BCL11A: variants seen among roughly 807,000 people sequenced by gnomAD.
BCL11A encodes the protein BCL11 transcription factor A.
Under a neutral mutation model 55.9 loss-of-function variants are expected in BCL11A, and 2 were observed. The ratio of observed to expected loss-of-function variants is 0.04; its 90% CI spans 0.01 to 0.11. BCL11A has a LOEUF of 0.11. BCL11A is among the 10% of genes least tolerant of loss of function. The pLI, the probability that BCL11A is intolerant of heterozygous loss-of-function variation, is 1.00. For synonymous variants in BCL11A, 465 were observed against 473.4 expected (o/e 0.98, Z 0.23); for missense variants, 817 against 1,137.1 (o/e 0.72, Z 4.05).
At chr2:60,479,133 C>T (rs1038264324) in intron 2 of BCL11A, among the ~76,000 whole-genome samples, 7 of 152,184 alleles carry the variant, frequency 4.6e-5, no homozygotes, top group Non-Finnish European at 7.4e-5. Context: ...GTGGCACTGC[C>T]GTCTGTTCTT....
At chr2:60,505,693 C>T (rs1220394621) in intron 2 of BCL11A, among the ~76,000 whole-genome samples, 1 of 152,234 alleles carries the variant, frequency 6.6e-6, no homozygotes, top group African/African-American at 2.4e-5. Flanking sequence ...CACATGCATT[C>T]CCACCTCCCG....
At chr2:60,536,593 C>T (rs930990485) in intron 2 of BCL11A, 1 of 152,090 alleles carries the variant, frequency 6.6e-6, no homozygotes, top group Non-Finnish European at 1.5e-5. Context: ...AGTTTAGAAA[C>T]CAATGCTACA....
chr2:60,452,531 T>C (rs1264593455), downstream of BCL11A: 1 of 1,467,262 alleles, frequency 6.8e-7, no homozygotes, highest in African/African-American at 1.4e-5. Context: ...TGACGTCGAC[T>C]GGGCGGCACG....
rs960633719 is a variant in BCL11A at position 60,460,892 on chromosome 2, G to C, written c.2020C>G (p.Leu674Val). 8 of 1,613,148 alleles carry C rather than the reference G, an allele frequency of 5.0e-6. No homozygotes were observed. The highest frequency in any genetic ancestry group is 6.8e-6 in the Non-Finnish European group (8 of 1,180,048). ...AASRQLKDPFLSFGDSRQSPF... is the reference protein window; with the variant it reads ...AASRQLKDPFVSFGDSRQSPF... Reference sequence around the variant, plus strand: ...GATTGTCTGGAGTCTCCGAAGCTAAGGAAGGGATCTTTGAGCTGCCTGGAG... The same window carrying C: ...GATTGTCTGGAGTCTCCGAAGCTAACGAAGGGATCTTTGAGCTGCCTGGAG... Residue 674 changes from leucine to valine, a missense_variant, in exon 4 of 4, where the codon CTT becomes GTT. This residue lies in a region of BCL11A where 379 missense variants were observed against 425.3 expected (regional missense o/e 0.89). Transcript: ENST00000642384.
At chr2:60,465,492 T>C (rs1221445449) in intron 3 of BCL11A, among the ~76,000 whole-genome samples, 1 of 152,218 alleles carries the variant, frequency 6.6e-6, no homozygotes, top group Non-Finnish European at 1.5e-5. Flanking sequence ...GCCCACCTAC[T>C]GGCTTTTATT....
Position 60,553,350 on chromosome 2 carries a change from G to A in BCL11A, c.-80C>T, listed in dbSNP as rs1269637278. The A allele has an allele frequency of 6.9e-7, 1 of 1,445,096 alleles. No individual in the cohort carries two copies. The highest frequency in any genetic ancestry group is 9.3e-7 in the Non-Finnish European group (1 of 1,071,516). 89.5% of individuals were successfully genotyped at this position (1,445,096 alleles called of 1,614,324 possible). A position where few individuals can be genotyped will look rare whatever the true frequency, so the allele number is the denominator to read the frequency against. ...GGCTCGGTTCACATCGGGAGAGCCG[G>A]GTTAGAAAGAAGGAGACTCCAGAGA... is the stretch of plus-strand genomic sequence containing the variant. On this transcript the variant is annotated 5_prime_UTR_variant, in exon 1 of 4. Transcript: ENST00000642384.
At chr2:60,525,833 C>T (rs1217673227) in intron 2 of BCL11A, 2 of 152,184 alleles carry the variant, frequency 1.3e-5, no homozygotes, top group African/African-American at 4.8e-5. Context: ...ACCTTAAATG[C>T]CCTCCCCCCA....
At chr2:60,537,597 T>C (rs1669728376) in intron 2 of BCL11A, 1 of 152,250 alleles carries the variant, frequency 6.6e-6, no homozygotes, top group African/African-American at 2.4e-5. Context: ...GGAACAGACT[T>C]GGCACATAGT....
rs1160680643 is a variant in BCL11A at position 60,462,540 on chromosome 2, T to C, written c.488-116A>G. On this transcript the variant is annotated intron_variant, in intron 3 of 3. Coordinates refer to ENST00000642384, the MANE Select transcript of BCL11A (RefSeq NM_022893.4). Reference sequence around the variant, plus strand: ...GCCCCCACCCCTCAACCCCAAGGCCTAAGCCCTCACTGACCTACCCCCTGT... The same window carrying C: ...GCCCCCACCCCTCAACCCCAAGGCCCAAGCCCTCACTGACCTACCCCCTGT... 47 of 1,459,016 alleles carry C rather than the reference T, an allele frequency of 3.2e-5. 1 individual carries two copies. In the Admixed American group the frequency reaches 1.2e-3, roughly 38 times the overall value. The allele number at this position is 1,459,016 out of a possible 1,614,324, so 90.4% of individuals were successfully genotyped here.
chr2:60,505,214 C>A (rs1679517679), intron 2 of BCL11A, among the ~76,000 whole-genome samples: 1 of 152,100 alleles, frequency 6.6e-6, no homozygotes, highest in African/African-American at 2.4e-5. Context: ...AAGGGATGGG[C>A]CCAATTTTTC....
intron 2 of BCL11A, among the ~76,000 whole-genome samples, chr2:60,499,256 C>T (rs186817464): frequency 6.2e-4 from 94 of 152,286 alleles, no homozygotes; most frequent in African/African-American, 2.0e-3. Flanking sequence ...TAGCGCCCTT[C>T]CGTCACTCCC....
At chr2:60,550,637 G>GTGGCC (rs1573104800) in intron 1 of BCL11A, among the ~76,000 whole-genome samples, 2 of 152,170 alleles carry the variant, frequency 1.3e-5, no homozygotes, top group East Asian at 3.9e-4. Flanking sequence ...ACAGAAAGAA[G>GTGGCC]TGGCCCCCTC....
intron 2 of BCL11A, chr2:60,534,943 T>A (rs1391602000): frequency 6.6e-6 from 1 of 152,270 alleles, no homozygotes; most frequent in Non-Finnish European, 1.5e-5. Context: ...TTTTACATCA[T>A]CAATTTTGCA....
chr2:60,514,667 C>CA lies in BCL11A; in HGVS notation c.385+31303dup, dbSNP rs567427710. Among the ~76,000 whole-genome samples, 314 of 113,206 alleles carry CA rather than the reference C, an allele frequency of 2.8e-3. 2 individuals carry two copies. Among genetic ancestry groups the CA allele is most frequent in the South Asian group, 0.014 (53 of 3,666 alleles). 74.3% of individuals were successfully genotyped at this position (113,206 alleles called of 152,430 possible). A position where few individuals can be genotyped will look rare whatever the true frequency, so the allele number is the denominator to read the frequency against. On this transcript the variant is annotated intron_variant, in intron 2 of 3. Transcript: ENST00000642384. ...TGGGCGACAGAGCGAGACTCCATCT[C>CA]AAAAAAAAAAAAAAATTAAATTGGG...
chr2:60,460,696 C>T lies in BCL11A; in HGVS notation c.2216G>A (p.Arg739Lys). The T allele has an allele frequency of 6.2e-7, 1 of 1,614,208 alleles. No homozygotes were observed. The highest frequency in any genetic ancestry group is 8.5e-7 in the Non-Finnish European group (1 of 1,180,042). The part of the protein sequence containing the change: ...GPGRPSSKEG[R>K]RSDTCEYCGK... ...ACAGTACTCACAAGTGTCGCTGCGT[C>T]TGCCCTCTTTTGAGCTGGGCCTGCC... The change falls in exon 4 of 4, where the codon AGA becomes AAA. Residue 739 changes from arginine (R) to lysine (K), a missense_variant. By Grantham distance (26) the Arg-to-Lys change is conservative. This residue lies in a region of BCL11A where 379 missense variants were observed against 425.3 expected (regional missense o/e 0.89). Coordinates refer to ENST00000642384, the MANE Select transcript of BCL11A (RefSeq NM_022893.4).
downstream of BCL11A, chr2:60,452,548 C>T (rs112822457): frequency 1.3e-6 from 2 of 1,598,688 alleles, no homozygotes; most frequent in African/African-American, 1.3e-5. Flanking sequence ...CACGCGTCCA[C>T]CCCACCCCTG....
In BCL11A at chr2:60,548,330, CT is replaced by C. The variant is rs34428551; in HGVS notation, c.56-2031del. ...ATTTTTTATTTCCACCGTTAAGATT[CT>C]TTTTTTTTTTTTTTTGTTCCCAAGG... is the stretch of plus-strand genomic sequence containing the variant. On this transcript the variant is annotated intron_variant, in intron 1 of 3. Transcript: ENST00000642384. 8.0e-3 allele frequency among the ~76,000 whole-genome samples: 1,081 copies of C among 135,060 alleles called. 4 individuals are homozygous for C. The highest frequency in any genetic ancestry group is 0.019 in the African/African-American group (706 of 36,946). The allele number at this position is 135,060 out of a possible 152,430, so 88.6% of individuals were successfully genotyped here.
intron 2 of BCL11A, among the ~76,000 whole-genome samples, chr2:60,515,976 C>T (rs1477123868): frequency 6.6e-6 from 1 of 152,170 alleles, no homozygotes; most frequent in Admixed American, 6.5e-5. Context: ...ACGGAGGGGT[C>T]CTGGAATACA....
intron 2 of BCL11A, among the ~76,000 whole-genome samples, chr2:60,540,032 T>C (rs1669847947): frequency 6.6e-6 from 1 of 152,214 alleles, no homozygotes; most frequent in South Asian, 2.1e-4. Flanking sequence ...TTATATAGTC[T>C]GAACATATTT....
Sources: gnomAD v4.1 joint callset for allele counts (sites outside exome capture counted in the v4.1 genomes callset) on GRCh38, gnomAD v4.1.1 for gene constraint, gnomAD v4.1.1 regional missense constraint, MANE v1.5 for transcripts, NCBI Gene and HGNC (gene_info 2026-07-23, HGNC 2026-07-21) for gene names.